LOC128092252: variants seen among roughly 807,000 people sequenced by gnomAD.
the LOC128092252 span, among the ~76,000 whole-genome samples, chr15:50,657,345 T>C: frequency 6.6e-6 from 1 of 152,230 alleles, no homozygotes; most frequent in South Asian, 2.1e-4. Flanking sequence ...AATACTAATA[T>C]AGCATGTTAT....
At chr15:50,677,637 G>T in the LOC128092252 span, among the ~76,000 whole-genome samples, 1 of 150,910 alleles carries the variant, frequency 6.6e-6, no homozygotes, top group African/African-American at 2.4e-5. Context: ...TACTCAGGAG[G>T]CTGAGGCAGA....
the LOC128092252 span, among the ~76,000 whole-genome samples, chr15:50,680,411 A>G: frequency 6.6e-6 from 1 of 151,930 alleles, no homozygotes; most frequent in Non-Finnish European, 1.5e-5. Context: ...TAAAAATAAA[A>G]ACACAAAAAG....
the LOC128092252 span, chr15:50,686,558 A>G: frequency 2.5e-6 from 4 of 1,609,656 alleles, no homozygotes; most frequent in African/African-American, 2.7e-5. Flanking sequence ...GGACTCCGGA[A>G]GGGCAGCAAC....
the LOC128092252 span, among the ~76,000 whole-genome samples, chr15:50,672,291 C>T: frequency 2.0e-5 from 3 of 151,744 alleles, no homozygotes; most frequent in Non-Finnish European, 2.9e-5. Context: ...GACCTCGTGA[C>T]GTGATCCGCC....
the LOC128092252 span, chr15:50,648,942 A>C: frequency 7.1e-7 from 1 of 1,416,454 alleles, no homozygotes; most frequent in Non-Finnish European, 9.5e-7. Flanking sequence ...TAATGAAAAA[A>C]TGGAATTAAA....
the LOC128092252 span, among the ~76,000 whole-genome samples, chr15:50,679,205 T>C: frequency 7.4e-6 from 1 of 134,856 alleles, no homozygotes; most frequent in Admixed American, 7.4e-5. Context: ...GTTGGTGGTA[T>C]GGGCCTGTCA....
the LOC128092252 span, among the ~76,000 whole-genome samples, chr15:50,675,823 G>T: frequency 1.1e-4 from 17 of 152,304 alleles, no homozygotes; most frequent in Admixed American, 8.5e-4. Flanking sequence ...TGCTAGTAGA[G>T]CAGGGAATCT....
At chr15:50,683,747 C>A in the LOC128092252 span, among the ~76,000 whole-genome samples, 8 of 151,634 alleles carry the variant, frequency 5.3e-5, no homozygotes, top group South Asian at 2.1e-4. Context: ...ACAACAACAA[C>A]AAAAAAAACA....
the LOC128092252 span, among the ~76,000 whole-genome samples, chr15:50,672,494 T>C: frequency 1.3e-5 from 2 of 151,974 alleles, no homozygotes; most frequent in African/African-American, 4.8e-5. Context: ...TGAGGCAAGA[T>C]GAGAGGTGGA....
the LOC128092252 span, among the ~76,000 whole-genome samples, chr15:50,667,594 C>G: frequency 2.0e-5 from 3 of 152,196 alleles, no homozygotes; most frequent in African/African-American, 7.2e-5. Flanking sequence ...GTAATCCCAG[C>G]TGCTAGGGAA....
At chr15:50,685,267 G>A in the LOC128092252 span, among the ~76,000 whole-genome samples, 5 of 152,130 alleles carry the variant, frequency 3.3e-5, no homozygotes, top group African/African-American at 7.2e-5. Flanking sequence ...ATTAAGAGAC[G>A]AGCCTGCCAA....
chr15:50,680,255 A>G, the LOC128092252 span, among the ~76,000 whole-genome samples: 1 of 151,926 alleles, frequency 6.6e-6, no homozygotes, highest in Non-Finnish European at 1.5e-5. Context: ...AAATAAAAAT[A>G]AAATAAAATG....
the LOC128092252 span, among the ~76,000 whole-genome samples, chr15:50,679,993 G>T: frequency 6.6e-6 from 1 of 150,606 alleles, no homozygotes; most frequent in Non-Finnish European, 1.5e-5. Flanking sequence ...CAGCACTTTG[G>T]GGGGCCAAGG....
the LOC128092252 span, among the ~76,000 whole-genome samples, chr15:50,681,294 A>ACAC: frequency 2.9e-5 from 3 of 101,912 alleles, no homozygotes; most frequent in Non-Finnish European, 5.9e-5. Context: ...CACACACACA[A>ACAC]AGCATTCAGA....
chr15:50,667,486 A>G, the LOC128092252 span, among the ~76,000 whole-genome samples: 2 of 152,238 alleles, frequency 1.3e-5, no homozygotes, highest in Non-Finnish European at 2.9e-5. Flanking sequence ...TGGGCGGATC[A>G]CTTGAGGCCA....
the LOC128092252 span, chr15:50,686,478 AC>A: frequency 6.2e-7 from 1 of 1,613,682 alleles, no homozygotes; most frequent in Non-Finnish European, 8.5e-7. Flanking sequence ...TCTCTCCTTT[AC>A]CGCCCGCAAC....
the LOC128092252 span, among the ~76,000 whole-genome samples, chr15:50,682,929 T>G: frequency 2.0e-5 from 3 of 151,484 alleles, no homozygotes; most frequent in Non-Finnish European, 4.4e-5. Flanking sequence ...CAGGGTCTGG[T>G]TCTGTTACCC....
the LOC128092252 span, among the ~76,000 whole-genome samples, chr15:50,656,885 T>G: frequency 2.6e-5 from 4 of 152,194 alleles, no homozygotes; most frequent in African/African-American, 9.7e-5. Flanking sequence ...ATTTATCTCA[T>G]TAAGCCCTTC....
chr15:50,657,735 T>G, the LOC128092252 span: 1 of 1,548,908 alleles, frequency 6.5e-7, no homozygotes, highest in Non-Finnish European at 8.9e-7. Context: ...TAGATTAGTT[T>G]TATTTATTTT....
Sources: gnomAD v4.1 joint callset for allele counts (sites outside exome capture counted in the v4.1 genomes callset) on GRCh38, gnomAD v4.1.1 for gene constraint, MANE v1.5 for transcripts.